SPTBN2: variants seen among roughly 807,000 people sequenced by gnomAD.
SPTBN2 encodes spectrin beta chain, non-erythrocytic 2.
Under a neutral mutation model 284.2 loss-of-function variants are expected in SPTBN2, and 107 were observed. The observed-to-expected ratio is 0.38, with a 90% CI of 0.32 to 0.44. The LOEUF (loss-of-function observed/expected upper bound fraction) is 0.44. Ranked by LOEUF, SPTBN2 falls within the 20% of genes least tolerant of loss-of-function variation. The pLI, the probability that SPTBN2 is intolerant of heterozygous loss-of-function variation, is 1.00. For synonymous variants in SPTBN2, 1,289 were observed against 1,354.8 expected (o/e 0.95, Z 1.07); for missense variants, 2,569 against 3,287.1 (o/e 0.78, Z 5.34).
At chr11:66,732,386 G>A (rs1391536369), upstream of SPTBN2, among the ~76,000 whole-genome samples, 6 of 152,162 alleles carry the variant, frequency 3.9e-5, no homozygotes, top group Admixed American at 1.3e-4. Context: ...AGTGGCTCAC[G>A]ACTTTGTAAT....
chr11:66,696,723 C>G (rs1462876577), intron 20 of SPTBN2, among the ~76,000 whole-genome samples, 183 bp from the exon 21 acceptor site: 1 of 152,182 alleles, frequency 6.6e-6, no homozygotes, highest in East Asian at 1.9e-4. Context: ...CTGCTGTTCC[C>G]TCACTGCTGA....
chr11:66,687,544 G>A lies in SPTBN2; in HGVS notation c.6605C>T (p.Ser2202Leu). The change falls in exon 35 of 38, where the codon TCA (serine) becomes TTA (leucine). Residue 2202 changes from serine (S) to leucine (L), a missense_variant. By Grantham distance (145) the Ser-to-Leu change is moderately radical. Transcript: ENST00000533211. The surrounding 1 kb of genome is among the most constrained non-coding windows in gnomAD (Gnocchi z 5.2). Reference protein sequence around the residue: ...SAMPQSRSTESAHAATLPPRG... With the variant: ...SAMPQSRSTELAHAATLPPRG... ...AGGCGGCAGGGTGGCAGCATGGGCT[G>A]ACTCGGTAGACCTGCTCTGGGGCAT... The A allele has an allele frequency of 6.2e-7, 1 of 1,612,258 alleles. No individual in the cohort carries two copies. Among genetic ancestry groups the A allele is most frequent in the East Asian group, 2.2e-5 (1 of 44,866 alleles).
At position 66,701,222 on chromosome 11, in the gene SPTBN2, G is replaced by A. The variant is rs202114556; in HGVS notation, c.2877C>T (p.Ser959=). The change falls in exon 17 of 38, where the codon AGC becomes AGT. Residue 959 remains serine (S), a synonymous_variant. Transcript: ENST00000533211. ...TGCACTCTAAGTGGTAGTTCTGGAT[G>A]CTCAGGGCTGAGGTGAGAGCTGCCT... ...GKKAALTSAL[S]IQNYHLECTE... is the part of the protein sequence containing the mutation. The A allele has an allele frequency of 1.2e-5, 20 of 1,613,120 alleles. No individual in the cohort carries two copies. Among genetic ancestry groups the A allele is most frequent in the Non-Finnish European group, 1.5e-5 (18 of 1,180,036 alleles).
At chr11:66,709,466 C>T (rs1028098006) in intron 10 of SPTBN2, among the ~76,000 whole-genome samples, 6 of 152,244 alleles carry the variant, frequency 3.9e-5, no homozygotes, top group East Asian at 1.9e-4. Flanking sequence ...GCATGAGCCA[C>T]GGTGCCCAGC....
intron 15 of SPTBN2, 40 bp downstream of exon 15, chr11:66,704,558 C>T: frequency 6.4e-7 from 1 of 1,574,220 alleles, no homozygotes; most frequent in East Asian, 2.3e-5. Context: ...CCCACCCCCA[C>T]CTCCCAAGGC....
chr11:66,729,726 A>G (rs1942768922), upstream of SPTBN2, among the ~76,000 whole-genome samples: 1 of 152,128 alleles, frequency 6.6e-6, no homozygotes, highest in South Asian at 2.1e-4. Flanking sequence ...CCTAGCTCTG[A>G]TATCTGTGCT....
rs1248286081 is a variant in SPTBN2, at chr11:66,683,090, T to C, written c.*2781A>G. Among the ~76,000 whole-genome samples the C allele has an allele frequency of 8.2e-5, 8 of 97,436 alleles. No individual in the cohort carries two copies. The highest frequency in any genetic ancestry group is 3.2e-4 in the African/African-American group (8 of 24,772). 63.9% of individuals were successfully genotyped at this position (97,436 alleles called of 152,430 possible). On this transcript the variant is annotated 3_prime_UTR_variant, in exon 38 of 38. Coordinates refer to ENST00000533211, the MANE Select transcript of SPTBN2 (RefSeq NM_006946.4). The stretch of plus-strand genomic sequence containing the variant: ...TTTTTTTTTTTTTTTTTTTTTGAGA[T>C]GGAGTCTCGCTCTGTCACCCAGGCT...
Position 66,717,099 on chromosome 11 carries a change from GA to G in SPTBN2, c.158-1119del, listed in dbSNP as rs1377342965. 2.0e-5 allele frequency among the ~76,000 whole-genome samples: 3 copies of G among 152,190 alleles called. No individual in the cohort carries two copies. In the East Asian group the frequency reaches 5.8e-4, roughly 29 times the overall value. On this transcript the variant is annotated intron_variant, in intron 3 of 37. Coordinates refer to ENST00000533211, the MANE Select transcript of SPTBN2 (RefSeq NM_006946.4). The stretch of plus-strand genomic sequence containing the variant: ...CAAGATGTTGAGAGTTGGGAACTGG[GA>G]AAACAGTGAGGCCAGGAAACATGGG...
rs371919862 is a variant in SPTBN2 at position 66,707,620 on chromosome 11, G to T, written c.1549C>A (p.Arg517=). 16 of 1,610,730 alleles carry T rather than the reference G, an allele frequency of 9.9e-6. No individual in the cohort carries two copies. Among genetic ancestry groups the T allele is most frequent in the Non-Finnish European group, 7.6e-6 (9 of 1,179,988 alleles). The change falls in exon 13 of 38, where the codon CGG becomes AGG. Residue 517 remains arginine, a synonymous_variant. Transcript: ENST00000533211. The surrounding 1 kb of genome is among the most constrained non-coding windows in gnomAD (Gnocchi z 4.9). Reference sequence around the variant, plus strand: ...TCCCGCCGGGCGGCCACCATCTGCCGCAAGAAGTCCCAGAGCCGTGCCACG... The same window carrying T: ...TCCCGCCGGGCGGCCACCATCTGCCTCAAGAAGTCCCAGAGCCGTGCCACG... ...HNVARLWDFL[R]QMVAARRERL...
chr11:66,739,200 T>C (rs1246628531), intron 1 of SPTBN2, among the ~76,000 whole-genome samples: 3 of 148,466 alleles, frequency 2.0e-5, no homozygotes, highest in Non-Finnish European at 4.5e-5. Context: ...CTAGGCCTCC[T>C]CAAGTGCTGG....
upstream of SPTBN2, among the ~76,000 whole-genome samples, chr11:66,730,602 G>A (rs2135602049): frequency 6.6e-6 from 1 of 151,136 alleles, no homozygotes; most frequent in Non-Finnish European, 1.5e-5. Context: ...AAAAAAATTA[G>A]AGAATCAGCT....
In SPTBN2 at chr11:66,721,272, G is replaced by A; in HGVS notation, c.-22-10C>T. 6.2e-7 allele frequency: 1 copy of A among 1,614,032 alleles called. No homozygotes were observed. Among genetic ancestry groups the A allele is most frequent in the African/African-American group, 1.3e-5 (1 of 75,040 alleles). On this transcript the variant is annotated splice_polypyrimidine_tract_variant and intron_variant, in intron 2 of 37. Transcript: ENST00000533211. ...AGGCGGCTTCCTGCTCCTGCAAGGA[G>A]AATGTGGCCAGTGAGGGGTGTCCAG...
Position 66,715,882 on chromosome 11 carries a change from C to T in SPTBN2, c.257G>A (p.Arg86Gln), listed in dbSNP as rs770888940. 3.1e-6 allele frequency: 5 copies of T among 1,614,082 alleles called. No individual in the cohort carries two copies. Among genetic ancestry groups the T allele is most frequent in the Non-Finnish European group, 3.4e-6 (4 of 1,180,024 alleles). The part of the protein sequence containing the change: ...CRVGDLYSDL[R>Q]DGRNLLRLLE... ...GAGCCTCAGCAGGTTGCGTCCGTCC[C>T]GGAGGTCGCTGTACAGGTCCCCCAC... Residue 86 changes from arginine to glutamine, a missense_variant, in exon 4 of 38, where the codon CGG becomes CAG. Physicochemically the swap from Arg to Gln is conservative, Grantham distance 43 (BLOSUM62 1). This residue lies in a region of SPTBN2 where 304 missense variants were observed against 522.1 expected (regional missense o/e 0.58). Transcript: ENST00000533211. This position sits in a 1 kb window ranked among gnomAD's most constrained non-coding sequence, Gnocchi z 5.3.
rs145249947 is a variant in SPTBN2, at chr11:66,707,753, C to T, written c.1416G>A (p.Thr472=). The change falls in exon 13 of 38, where the codon ACG becomes ACA. Residue 472 remains threonine, a synonymous_variant. Transcript: ENST00000533211. The surrounding 1 kb of genome is among the most constrained non-coding windows in gnomAD (Gnocchi z 4.9). ...CCCGGCCGCTGTAGGCCACGATGTC[C>T]GTCTCAATGGCTTCGTGCTTCCGTA... ...AAVRKHEAIE[T]DIVAYSGRVQ... is the part of the protein sequence containing the mutation. The T allele has an allele frequency of 5.7e-4, 914 of 1,607,594 alleles. 5 individuals carry two copies. In the African/African-American group the frequency reaches 8.8e-3, roughly 15 times the overall value.
intron 3 of SPTBN2, among the ~76,000 whole-genome samples, chr11:66,720,454 T>C (rs1419648148): frequency 1.3e-5 from 2 of 152,056 alleles, no homozygotes; most frequent in Non-Finnish European, 2.9e-5. Context: ...AGGGAGGCCG[T>C]TGGACGAGTT....
Position 66,708,064 on chromosome 11 carries a change from C to A in SPTBN2, c.1350+77G>T. 1.9e-6 allele frequency: 3 copies of A among 1,599,082 alleles called. No homozygotes were observed. The highest frequency in any genetic ancestry group is 2.6e-6 in the Non-Finnish European group (3 of 1,168,436). On this transcript the variant is annotated intron_variant, in intron 12 of 37. Transcript: ENST00000533211. The surrounding 1 kb of genome is among the most constrained non-coding windows in gnomAD (Gnocchi z 4.4). Reference sequence around the variant, plus strand: ...ATTTTGTGTTTCATTGTCTCTCCACCCCGCGGGGCTTCTTATCCACCCTGT... The same window carrying A: ...ATTTTGTGTTTCATTGTCTCTCCACACCGCGGGGCTTCTTATCCACCCTGT...
rs1414131287 is a variant in SPTBN2, at chr11:66,718,528, G to A, written c.158-2547C>T. On this transcript the variant is annotated intron_variant, in intron 3 of 37. Coordinates refer to ENST00000533211, the MANE Select transcript of SPTBN2 (RefSeq NM_006946.4). The surrounding 1 kb of genome is among the most constrained non-coding windows in gnomAD (Gnocchi z 4.8). The stretch of plus-strand genomic sequence containing the variant: ...CAGCTGGTGAAAGCAGGAGGCCCCC[G>A]GGGTTGTGGGCCCCTTCCACAGCCT... Among the ~76,000 whole-genome samples, 7 of 152,216 alleles carry A rather than the reference G, an allele frequency of 4.6e-5. No individual in the cohort carries two copies. The highest frequency in any genetic ancestry group is 1.7e-4 in the African/African-American group (7 of 41,460).
At chr11:66,720,956 GATA>G (rs1319561361) in intron 3 of SPTBN2, 125 bp downstream of exon 3, 2 of 1,285,404 alleles carry the variant, frequency 1.6e-6, no homozygotes, top group African/African-American at 3.0e-5. Context: ...CCAGGGAATT[GATA>G]GAGTGCTCTG....
intron 1 of SPTBN2, among the ~76,000 whole-genome samples, chr11:66,742,702 C>T (rs993541990): frequency 5.3e-5 from 8 of 152,020 alleles, no homozygotes; most frequent in Admixed American, 1.3e-4. Flanking sequence ...CTCCACCTCC[C>T]GGGTTCAAGC....
Sources: gnomAD v4.1 joint callset for allele counts (sites outside exome capture counted in the v4.1 genomes callset) on GRCh38, gnomAD v4.1.1 for gene constraint, gnomAD v4.1.1 regional missense constraint, Gnocchi (gnomAD v3.1) non-coding constraint, MANE v1.5 for transcripts, NCBI Gene and HGNC (gene_info 2026-07-23, HGNC 2026-07-21) for gene names.